SH2D4B: variants seen among roughly 807,000 people sequenced by gnomAD.
SH2D4B encodes the protein SH2 domain-containing protein 4B.
A neutral mutation model predicts 61.5 loss-of-function variants in SH2D4B; 45 were observed. That is an observed-to-expected ratio of 0.73 (90% CI 0.58 to 0.94). SH2D4B has a LOEUF of 0.94. SH2D4B is among the 40% of genes least tolerant of loss of function. The pLI is 0.00. For synonymous variants in SH2D4B, 224 were observed against 220.4 expected (o/e 1.02, Z -0.14); for missense variants, 572 against 574.2 (o/e 1.00, Z 0.04).
chr10:80,564,546 CTGGGACAATGTCCT>C (rs1841942631), intron 1 of SH2D4B, among the ~76,000 whole-genome samples: 1 of 152,180 alleles, frequency 6.6e-6, no homozygotes, highest in African/African-American at 2.4e-5. Flanking sequence ...AGTGTCTCTC[CTGGGACAATGTCCT>C]TGGGCATCTT....
chr10:80,589,152 C>T (rs866307001), intron 4 of SH2D4B, among the ~76,000 whole-genome samples: 9 of 151,824 alleles, frequency 5.9e-5, no homozygotes, highest in South Asian at 2.1e-4. Context: ...TACAGGCACC[C>T]GCCACCAAGC....
At position 80,645,040 on chromosome 10, in the gene SH2D4B, A is replaced by G. The variant is rs1360335301; in HGVS notation, c.*955A>G. The G allele has an allele frequency of 6.6e-6, 1 of 152,218 alleles. No individual in the cohort carries two copies. The highest frequency in any genetic ancestry group is 2.4e-5 in the African/African-American group (1 of 41,456). The allele number at this position is 152,218 out of a possible 1,614,324, so 9.4% of individuals were successfully genotyped here. A position where few individuals can be genotyped will look rare whatever the true frequency, so the allele number is the denominator to read the frequency against. On this transcript the variant is annotated 3_prime_UTR_variant, in exon 8 of 8. Transcript: ENST00000646907. ...ATCTGTTGGTGCATACTTGTGTTCC[A>G]CAGTTATGGCCATATACACAGAGGT...
chr10:80,597,590 C>A (rs772997535), intron 4 of SH2D4B, among the ~76,000 whole-genome samples: 1 of 152,112 alleles, frequency 6.6e-6, no homozygotes, highest in Non-Finnish European at 1.5e-5. Flanking sequence ...CTCTTGAACC[C>A]GGGAGGTGGA....
intron 5 of SH2D4B, chr10:80,607,417 T>A (rs1421948644): frequency 6.6e-6 from 1 of 152,212 alleles, no homozygotes; most frequent in African/African-American, 2.4e-5. Context: ...TGGCTCTCTG[T>A]AGGGCTGTAG....
intron 4 of SH2D4B, 22 bp from the exon 5 acceptor site, chr10:80,603,557 C>G (rs780040427): frequency 6.6e-7 from 1 of 1,517,188 alleles, no homozygotes; most frequent in East Asian, 2.5e-5. Flanking sequence ...TCTGGGCTAA[C>G]GTGCTGTCTT....
At position 80,644,113 on chromosome 10, in the gene SH2D4B, T is replaced by C. The variant is rs1199155786; in HGVS notation, c.*28T>C. ...TTTTTCCTTATCAATTGGATTCATT[T>C]TGGTATCCTGTTTTTGAACTCAGCT... On this transcript the variant is annotated 3_prime_UTR_variant, in exon 8 of 8. Transcript: ENST00000646907. 4 of 1,578,908 alleles carry C rather than the reference T, an allele frequency of 2.5e-6. No homozygotes were observed. In the African/African-American group the frequency reaches 5.4e-5, roughly 21 times the overall value.
chr10:80,573,519 T>C (rs576736609), intron 3 of SH2D4B, among the ~76,000 whole-genome samples: 1 of 152,328 alleles, frequency 6.6e-6, no homozygotes, highest in East Asian at 1.9e-4. Context: ...GAGGGTGATG[T>C]AATAGAGGGC....
chr10:80,597,856 G>T (rs909058688), intron 4 of SH2D4B, among the ~76,000 whole-genome samples: 10 of 152,144 alleles, frequency 6.6e-5, no homozygotes, highest in Non-Finnish European at 1.3e-4. Context: ...AGATCATTGT[G>T]TGCATAGGTC....
At chr10:80,617,051 G>A (rs375148094) in intron 6 of SH2D4B, among the ~76,000 whole-genome samples, 1 of 152,248 alleles carries the variant, frequency 6.6e-6, no homozygotes, top group Non-Finnish European at 1.5e-5. Context: ...TTTTTAGTAA[G>A]TGGGGGAGGT....
intron 1 of SH2D4B, among the ~76,000 whole-genome samples, chr10:80,561,312 A>G (rs192142285): frequency 1.7e-3 from 253 of 152,372 alleles, no homozygotes; most frequent in Non-Finnish European, 2.0e-3. Flanking sequence ...TGTGTCTGCC[A>G]CAATGGGCTT....
intron 6 of SH2D4B, among the ~76,000 whole-genome samples, chr10:80,631,369 C>T (rs554804792): frequency 1.3e-5 from 2 of 152,342 alleles, no homozygotes; most frequent in South Asian, 4.1e-4. Flanking sequence ...TCACCTCAGC[C>T]TCTTGAGTAG....
At chr10:80,610,576 T>G (rs954621721) in intron 6 of SH2D4B, among the ~76,000 whole-genome samples, 1 of 152,168 alleles carries the variant, frequency 6.6e-6, no homozygotes, top group Non-Finnish European at 1.5e-5. Flanking sequence ...CAGGGACCTA[T>G]GTATTAGGCC....
At chr10:80,565,402 C>A (rs77165111) in intron 1 of SH2D4B, among the ~76,000 whole-genome samples, 47 of 75,886 alleles carry the variant, frequency 6.2e-4, no homozygotes, top group African/African-American at 2.2e-3. Context: ...TTTTTTTTTT[C>A]TTTTAAAGAG....
At chr10:80,570,789 A>G (rs967554828) in intron 2 of SH2D4B, among the ~76,000 whole-genome samples, 1 of 152,174 alleles carries the variant, frequency 6.6e-6, no homozygotes, top group Admixed American at 6.6e-5. Context: ...TGGGTTGTTT[A>G]CCATTTTTTA....
intron 1 of SH2D4B, among the ~76,000 whole-genome samples, chr10:80,551,800 T>G (rs905427208): frequency 6.6e-6 from 1 of 152,182 alleles, no homozygotes; most frequent in African/African-American, 2.4e-5. Context: ...CTTGGGCAGA[T>G]GGGGATGGGG....
chr10:80,601,519 CG>C (rs1307763956), intron 4 of SH2D4B, among the ~76,000 whole-genome samples: 8 of 152,196 alleles, frequency 5.3e-5, no homozygotes, highest in Non-Finnish European at 2.9e-5. Flanking sequence ...TACAAAAATA[CG>C]TATCGCCTGC....
chr10:80,634,661 G>T (rs779829988), intron 7 of SH2D4B, among the ~76,000 whole-genome samples, 156 bp downstream of exon 7: 1 of 152,158 alleles, frequency 6.6e-6, no homozygotes, highest in Non-Finnish European at 1.5e-5. Flanking sequence ...GAGACCAGAG[G>T]TTGTCCACAC....
intron 3 of SH2D4B, among the ~76,000 whole-genome samples, chr10:80,578,242 A>G (rs1205549400): frequency 6.6e-6 from 1 of 152,146 alleles, no homozygotes; most frequent in African/African-American, 2.4e-5. Context: ...AAGTGAGATA[A>G]TTTTTACTGT....
chr10:80,611,193 A>C (rs1349275084), intron 6 of SH2D4B, among the ~76,000 whole-genome samples: 4 of 150,862 alleles, frequency 2.7e-5, no homozygotes, highest in Non-Finnish European at 4.4e-5. Context: ...AAAAAAAAAA[A>C]AAAAAAAAAA....
Sources: gnomAD v4.1 joint callset for allele counts (sites outside exome capture counted in the v4.1 genomes callset) on GRCh38, gnomAD v4.1.1 for gene constraint, MANE v1.5 for transcripts, NCBI Gene and HGNC (gene_info 2026-07-23, HGNC 2026-07-21) for gene names.